F8: variants seen among roughly 807,000 people sequenced by gnomAD.
The protein encoded by F8 is coagulation factor VIII, also known as antihemophilic factor.
In F8, 12 loss-of-function variants were observed where a neutral mutation model predicts 140.6. That is an observed-to-expected ratio of 0.09 (90% CI 0.05 to 0.14). The LOEUF is 0.14. F8 is among the 10% of genes least tolerant of loss of function. The probability of loss-of-function intolerance (pLI) is 1.00; values close to 1 mark genes in which losing one functional copy is unlikely to be tolerated. For missense variants in F8, 1,354 were observed against 1,720.7 expected (o/e 0.79, Z 3.77); for synonymous variants, 585 against 614.6 (o/e 0.95, Z 0.71).
intron 9 of F8, among the ~76,000 whole-genome samples, chrX:154,962,709 T>C (rs781801586): frequency 9.1e-6 from 1 of 110,342 alleles, no homozygotes; most frequent in Non-Finnish European, 1.9e-5. Flanking sequence ...CTACAAAAAA[T>C]AAAAAAATTA....
chrX:154,912,984 G>T (rs2073076083), intron 14 of F8, among the ~76,000 whole-genome samples: 1 of 110,377 alleles, frequency 9.1e-6, no homozygotes, highest in Admixed American at 9.5e-5. Context: ...ACTTCCTACT[G>T]GGTCCCTCCC....
At chrX:154,986,634 A>G (rs1204153052) in intron 5 of F8, among the ~76,000 whole-genome samples, 11 of 111,340 alleles carry the variant, frequency 9.9e-5, no homozygotes, top group African/African-American at 3.6e-4. Context: ...TCAGATACTC[A>G]CTTCAGTAAG....
At chrX:154,852,172 C>T (rs960929568) in intron 25 of F8, among the ~76,000 whole-genome samples, 11 of 111,357 alleles carry the variant, frequency 9.9e-5, no homozygotes, top group African/African-American at 2.6e-4. Flanking sequence ...TGGGCTCAAG[C>T]GATCCTCCTA....
chrX:154,891,318 A>T (rs782473664), intron 22 of F8, among the ~76,000 whole-genome samples: 2 of 113,475 alleles, frequency 1.8e-5, no homozygotes, highest in East Asian at 5.5e-4. Context: ...CATGTCAAAG[A>T]TGCTGGAAAA....
chrX:154,942,667 T>C (rs1208959513), intron 13 of F8, among the ~76,000 whole-genome samples: 1 of 111,358 alleles, frequency 9.0e-6, no homozygotes, highest in Non-Finnish European at 1.9e-5. Context: ...ACTCATTTTA[T>C]GAGGCCAGCA....
intron 1 of F8, among the ~76,000 whole-genome samples, chrX:155,011,803 A>G (rs945017299): frequency 2.7e-5 from 3 of 112,593 alleles, no homozygotes; most frequent in African/African-American, 9.7e-5. Flanking sequence ...CATTCTTACT[A>G]TATCTTTATT....
At chrX:154,920,345 C>T (rs1158805567) in intron 14 of F8, among the ~76,000 whole-genome samples, 3 of 110,863 alleles carry the variant, frequency 2.7e-5, no homozygotes, top group East Asian at 2.8e-4. Flanking sequence ...GGCTTTTGCT[C>T]TGTGGTTACT....
At chrX:154,990,058 C>A (rs782442922) in intron 4 of F8, among the ~76,000 whole-genome samples, 6 of 111,960 alleles carry the variant, frequency 5.4e-5, no homozygotes, top group Non-Finnish European at 9.4e-5. Flanking sequence ...ATGCTGGTAA[C>A]CTACCTATAT....
At chrX:154,862,011 TTTTTGTTTTG>T in intron 23 of F8, 145 bp from the exon 24 acceptor site, 4 of 751,399 alleles carry the variant, frequency 5.3e-6, no homozygotes, top group Middle Eastern at 6.1e-4. Flanking sequence ...TGTTATTGGT[TTTTTGTTTTG>T]TTTTGTTTTG....
chrX:155,008,643 G>A (rs1407071089), intron 1 of F8, among the ~76,000 whole-genome samples: 1 of 111,093 alleles, frequency 9.0e-6, no homozygotes, highest in African/African-American at 3.3e-5. Context: ...CTTCACCTCC[G>A]CTGAGGTGTG....
chrX:155,010,138 CAT>C (rs782250076), intron 1 of F8, among the ~76,000 whole-genome samples: 3 of 112,315 alleles, frequency 2.7e-5, no homozygotes, highest in African/African-American at 6.5e-5. Flanking sequence ...CTGGCAGAAA[CAT>C]GTGATTTATT....
intron 7 of F8, among the ~76,000 whole-genome samples, chrX:154,968,453 C>A (rs1173600259): frequency 9.8e-5 from 11 of 111,698 alleles, no homozygotes; most frequent in Non-Finnish European, 1.7e-4. Context: ...GCAGCACAAA[C>A]TGACTAAGAG....
At chrX:154,900,541 C>T (rs192158706) in intron 20 of F8, among the ~76,000 whole-genome samples, 136 of 111,765 alleles carry the variant, frequency 1.2e-3, no homozygotes, top group East Asian at 8.3e-4. Context: ...TTATTTATTA[C>T]GCAATGTATG....
intron 1 of F8, among the ~76,000 whole-genome samples, chrX:155,005,995 C>G (rs1267483951): frequency 1.8e-5 from 2 of 111,206 alleles, no homozygotes; most frequent in African/African-American, 6.6e-5. Context: ...GGATCCCCCT[C>G]CTATAAACTT....
intron 25 of F8, among the ~76,000 whole-genome samples, chrX:154,840,684 T>G (rs2072512999): frequency 8.9e-6 from 1 of 112,570 alleles, no homozygotes; most frequent in South Asian, 3.6e-4. Context: ...TTTCTAGGGC[T>G]ACTGTAACAA....
intron 5 of F8, among the ~76,000 whole-genome samples, chrX:154,985,195 G>A (rs1397373061): frequency 8.9e-6 from 1 of 111,752 alleles, no homozygotes; most frequent in Non-Finnish European, 1.9e-5. Context: ...TAGCACTCTG[G>A]GAGGCTGAGG....
intron 22 of F8, among the ~76,000 whole-genome samples, chrX:154,894,905 A>G (rs782533984): frequency 9.0e-6 from 1 of 111,482 alleles, no homozygotes; most frequent in African/African-American, 3.3e-5. Flanking sequence ...TGATTCCAGC[A>G]CCCAGCTGTT....
intron 22 of F8, chrX:154,887,697 AC>A (rs1390525893): frequency 9.9e-6 from 5 of 504,362 alleles, no homozygotes; most frequent in Non-Finnish European, 1.6e-5. Flanking sequence ...CGTTACCAGC[AC>A]CCCGAGAACA....
chrX:154,991,066 C>T (rs781869428), intron 4 of F8, among the ~76,000 whole-genome samples: 1 of 112,236 alleles, frequency 8.9e-6, no homozygotes, highest in South Asian at 3.7e-4. Context: ...TGTAGCTGTA[C>T]TGAATGAAGA....
Sources: gnomAD v4.1 joint callset for allele counts (sites outside exome capture counted in the v4.1 genomes callset) on GRCh38, gnomAD v4.1.1 for gene constraint, MANE v1.5 for transcripts, NCBI Gene and HGNC (gene_info 2026-07-23, HGNC 2026-07-21) for gene names.